The following HS6ST3 variants were observed in gnomAD, a reference collection of about 807,000 sequenced individuals.
HS6ST3 encodes heparan sulfate 6-O-sulfotransferase 3.
Under a neutral mutation model 36.7 loss-of-function variants are expected in HS6ST3, and 12 were observed. The ratio of observed to expected loss-of-function variants is 0.33; its 90% confidence interval spans 0.21 to 0.53. The LOEUF (loss-of-function observed/expected upper bound fraction) is 0.53. Ranked by LOEUF, HS6ST3 falls within the 20% of genes least tolerant of loss-of-function variation. HS6ST3 has a pLI of 0.95. For synonymous variants in HS6ST3, 240 were observed against 257.5 expected (o/e 0.93, Z 0.65); for missense variants, 584 against 640.9 (o/e 0.91, Z 0.96).
chr13:96,192,997 T>G lies in HS6ST3; in HGVS notation c.707+101428T>G, dbSNP rs139818463. ...ATCTTGGACTGTCTGTCAGCCTCCC[T>G]GATTGCTGCTGTTCCTCTCTCGGCA... is the stretch of plus-strand genomic sequence containing the variant. On this transcript the variant is annotated intron_variant, in intron 1 of 1. Coordinates refer to ENST00000376705, the MANE Select transcript of HS6ST3 (RefSeq NM_153456.4). 6.3e-3 allele frequency among the ~76,000 whole-genome samples: 963 copies of G among 152,294 alleles called. 12 individuals are homozygous for G. Among genetic ancestry groups the G allele is most frequent in the African/African-American group, 0.022 (928 of 41,564 alleles).
intron 1 of HS6ST3, among the ~76,000 whole-genome samples, chr13:96,313,564 A>G (rs1392804919): frequency 2.0e-5 from 3 of 152,004 alleles, no homozygotes; most frequent in Non-Finnish European, 4.4e-5. Context: ...CTTACCTTCA[A>G]TGGTGTCTTC....
At chr13:96,324,955 G>A (rs1351658191) in intron 1 of HS6ST3, among the ~76,000 whole-genome samples, 1 of 152,162 alleles carries the variant, frequency 6.6e-6, no homozygotes, top group Non-Finnish European at 1.5e-5. Context: ...CCTGATTTTA[G>A]TTTTGTTATT....
intron 1 of HS6ST3, among the ~76,000 whole-genome samples, chr13:96,183,942 C>A (rs948387178): frequency 5.3e-5 from 8 of 152,072 alleles, no homozygotes; most frequent in Non-Finnish European, 1.0e-4. Flanking sequence ...GTGGCTCACG[C>A]CTGTCATCCC....
At chr13:96,594,446 A>G (rs1594814434) in intron 1 of HS6ST3, among the ~76,000 whole-genome samples, 1 of 151,922 alleles carries the variant, frequency 6.6e-6, no homozygotes, top group African/African-American at 2.4e-5. Context: ...GTACAGTTTG[A>G]TAACTTGCTT....
intron 1 of HS6ST3, among the ~76,000 whole-genome samples, chr13:96,724,776 A>G (rs570479735): frequency 6.6e-6 from 1 of 152,296 alleles, no homozygotes; most frequent in Admixed American, 6.5e-5. Context: ...ACCTACTGGT[A>G]GATAATTTGG....
chr13:96,423,080 C>T (rs1217971418), intron 1 of HS6ST3, among the ~76,000 whole-genome samples: 2 of 152,026 alleles, frequency 1.3e-5, no homozygotes, highest in Non-Finnish European at 1.5e-5. Flanking sequence ...TTCAGGAGCT[C>T]ATATATTTCT....
intron 1 of HS6ST3, among the ~76,000 whole-genome samples, chr13:96,283,696 C>T (rs182098193): frequency 2.0e-4 from 30 of 152,174 alleles, no homozygotes; most frequent in Admixed American, 1.7e-3. Flanking sequence ...CTATAATTTG[C>T]TTTTTTCCAA....
At chr13:96,299,995 A>G (rs1017990455) in intron 1 of HS6ST3, among the ~76,000 whole-genome samples, 1 of 150,338 alleles carries the variant, frequency 6.7e-6, no homozygotes, top group Admixed American at 6.6e-5. Flanking sequence ...AAGGTGAAGC[A>G]GGCATGTCTT....
In HS6ST3 at chr13:96,604,979, T is replaced by C. The variant is rs115366327; in HGVS notation, c.708-227511T>C. On this transcript the variant is annotated intron_variant, in intron 1 of 1. Transcript: ENST00000376705. ...AGGGTTCAGACATTTGGAGACCTGA[T>C]TGGTGTAGTGAGAGGTGAAAAAGAA... Among the ~76,000 whole-genome samples the C allele has an allele frequency of 5.9e-3, 893 of 152,234 alleles. 5 individuals carry two copies. Among genetic ancestry groups the C allele is most frequent in the African/African-American group, 0.02 (844 of 41,548 alleles).
intron 1 of HS6ST3, among the ~76,000 whole-genome samples, chr13:96,766,287 G>A (rs79592810): frequency 0.19 from 29,503 of 152,100 alleles, 2,928 homozygotes; most frequent in Admixed American, 0.24. Context: ...GTGACAGTGT[G>A]GTGTTAATCA....
chr13:96,170,690 A>T (rs1463914898), intron 1 of HS6ST3, among the ~76,000 whole-genome samples: 1 of 152,230 alleles, frequency 6.6e-6, no homozygotes, highest in Non-Finnish European at 1.5e-5. Context: ...ATTGCTACAG[A>T]GGAGGAAAAT....
At chr13:96,705,617 T>A (rs1875400146) in intron 1 of HS6ST3, among the ~76,000 whole-genome samples, 1 of 152,208 alleles carries the variant, frequency 6.6e-6, no homozygotes, top group African/African-American at 2.4e-5. Context: ...GAAGGTGGGT[T>A]ACTTCCAGCT....
intron 1 of HS6ST3, among the ~76,000 whole-genome samples, chr13:96,101,159 G>C (rs180866437): frequency 6.6e-6 from 1 of 152,204 alleles, no homozygotes; most frequent in Admixed American, 6.5e-5. Flanking sequence ...ATGCACAGTA[G>C]ACAACACACA....
At chr13:96,504,763 G>C (rs1204546943) in intron 1 of HS6ST3, among the ~76,000 whole-genome samples, 1 of 152,052 alleles carries the variant, frequency 6.6e-6, no homozygotes, top group African/African-American at 2.4e-5. Context: ...TATATTATGA[G>C]CATGTTGTGA....
At chr13:96,677,825 G>A (rs1223936942) in intron 1 of HS6ST3, among the ~76,000 whole-genome samples, 6 of 152,044 alleles carry the variant, frequency 3.9e-5, no homozygotes, top group South Asian at 4.1e-4. Context: ...AGATTTAAGC[G>A]AATATTGTAC....
Position 96,832,759 on chromosome 13 carries a change from C to G in HS6ST3, c.977C>G (p.Thr326Ser). The change falls in exon 2 of 2, where the codon ACT (threonine) becomes AGT (serine). Residue 326 changes from threonine to serine, a missense_variant. Physicochemically the swap from Thr to Ser is moderately conservative, Grantham distance 58 (BLOSUM62 1). Around this residue, in one of 3 missense-constraint regions of HS6ST3, gnomAD observed 360 missense variants for 411.3 expected, o/e 0.88. Transcript: ENST00000376705. ...AGCCTGGTGGGCTGCTATAACTTGA[C>G]TTTCATGAACGAGAGTGAAAGAAAC... ...DLSLVGCYNLTFMNESERNTI... is the reference protein window; with the variant it reads ...DLSLVGCYNLSFMNESERNTI... 6.2e-7 allele frequency: 1 copy of G among 1,614,152 alleles called. No individual in the cohort carries two copies. The highest frequency in any genetic ancestry group is 8.5e-7 in the Non-Finnish European group (1 of 1,180,010).
At chr13:96,796,012 C>G (rs1375534285) in intron 1 of HS6ST3, among the ~76,000 whole-genome samples, 2 of 152,036 alleles carry the variant, frequency 1.3e-5, no homozygotes, top group Non-Finnish European at 2.9e-5. Flanking sequence ...CTATGAAAGC[C>G]CAAACTGCCA....
At chr13:96,154,627 CA>C (rs1048654321) in intron 1 of HS6ST3, among the ~76,000 whole-genome samples, 1 of 151,858 alleles carries the variant, frequency 6.6e-6, no homozygotes, top group Non-Finnish European at 1.5e-5. Context: ...AATAGATGAA[CA>C]GATAAAGATA....
intron 1 of HS6ST3, among the ~76,000 whole-genome samples, chr13:96,461,686 AG>A (rs779551400): frequency 6.6e-6 from 1 of 152,224 alleles, no homozygotes; most frequent in Non-Finnish European, 1.5e-5. Flanking sequence ...TTTCACCCTG[AG>A]GTTTTCTGCC....
Sources: allele counts gnomAD v4.1 joint callset (sites outside exome capture counted in the v4.1 genomes callset), GRCh38; gene constraint gnomAD v4.1.1; regional missense constraint gnomAD v4.1.1; transcripts MANE v1.5; gene names NCBI Gene and HGNC (gene_info 2026-07-23, HGNC 2026-07-21).